TESC: variants seen among roughly 807,000 people sequenced by gnomAD.
The protein encoded by TESC is tescalcin.
TESC carries 19 observed loss-of-function variants against 31.0 expected under a neutral mutation model. That is an observed-to-expected ratio of 0.61 (90% CI 0.43 to 0.90). The LOEUF (loss-of-function observed/expected upper bound fraction) is 0.90, where lower values mean the gene tolerates loss of function less well. TESC is among the 40% of genes least tolerant of loss of function. The pLI is 0.00. For missense variants in TESC, 248 were observed against 303.8 expected, an observed-to-expected ratio of 0.82 and a Z score of 1.36; for synonymous variants, 109 against 114.8, an observed-to-expected ratio of 0.95 and a Z score of 0.32.
At chr12:117,075,930 TATATATATATGTATATATAC>T (rs1955064984) in intron 1 of TESC, among the ~76,000 whole-genome samples, 8 of 113,360 alleles carry the variant, frequency 7.1e-5, no homozygotes, top group East Asian at 2.2e-4. Flanking sequence ...TGTGTATATA[TATATATATATGTATATATAC>T]ATATATATAT....
In TESC at chr12:117,041,948, T is replaced by C; in HGVS notation, c.566A>G (p.Lys189Arg). The change falls in exon 7 of 8, where the codon AAG (lysine) becomes AGG (arginine). Residue 189 changes from lysine to arginine, a missense_variant and splice_region_variant. Physicochemically the swap from Lys to Arg is conservative, Grantham distance 26 (BLOSUM62 2). Coordinates refer to ENST00000335209, the MANE Select transcript of TESC (RefSeq NM_017899.4). ...GGCTCCCACGCCCAGGCCACCCACCTTCAGGAAGTCCTCGAAGGTGATCCC... is the reference window on the plus strand; with the variant it reads ...GGCTCCCACGCCCAGGCCACCCACCCTCAGGAAGTCCTCGAAGGTGATCCC... ...YEGITFEDFL[K>R]IWQGIDIETK... 1 of 1,588,118 alleles carries C rather than the reference T, an allele frequency of 6.3e-7. No individual in the cohort carries two copies. The highest frequency in any genetic ancestry group is 8.6e-7 in the Non-Finnish European group (1 of 1,166,712).
At chr12:117,064,532 CG>C (rs1954846298) in intron 2 of TESC, among the ~76,000 whole-genome samples, 1 of 152,190 alleles carries the variant, frequency 6.6e-6, no homozygotes, top group African/African-American at 2.4e-5. Context: ...GACAAGCATT[CG>C]AGCCCCTTCA....
At chr12:117,095,016 CAAA>C (rs758816373) in intron 1 of TESC, among the ~76,000 whole-genome samples, 10 of 124,472 alleles carry the variant, frequency 8.0e-5, no homozygotes, top group Admixed American at 8.7e-5. Context: ...AAATTCATCT[CAAA>C]AAAAAAAAAA....
chr12:117,079,128 T>C (rs769489829), intron 1 of TESC, among the ~76,000 whole-genome samples: 5 of 152,180 alleles, frequency 3.3e-5, no homozygotes, highest in Admixed American at 1.3e-4. Flanking sequence ...GCAGAAAACA[T>C]GTAGTTCTGT....
chr12:117,088,550 G>A (rs760046226), intron 1 of TESC, among the ~76,000 whole-genome samples: 22 of 151,984 alleles, frequency 1.4e-4, no homozygotes, highest in Non-Finnish European at 2.9e-4. Flanking sequence ...GCGTGGCGGC[G>A]CATGCCTGTA....
At chr12:117,080,242 T>C (rs1955127572) in intron 1 of TESC, among the ~76,000 whole-genome samples, 2 of 152,016 alleles carry the variant, frequency 1.3e-5, no homozygotes. Context: ...CTGAGGTAGG[T>C]GGATCACTTG....
intron 3 of TESC, among the ~76,000 whole-genome samples, chr12:117,054,311 A>C (rs1954690529): frequency 2.0e-5 from 3 of 148,686 alleles, no homozygotes; most frequent in East Asian, 2.0e-4. Context: ...TGGCTCACCC[A>C]CCCCCTCACA....
intron 4 of TESC, chr12:117,048,674 G>A (rs1415471029): frequency 4.1e-6 from 2 of 487,312 alleles, no homozygotes; most frequent in South Asian, 1.5e-5. Context: ...ACGCATGATC[G>A]GCATACCCAC....
At chr12:117,089,318 A>C (rs1955272038) in intron 1 of TESC, among the ~76,000 whole-genome samples, 1 of 152,206 alleles carries the variant, frequency 6.6e-6, no homozygotes, top group Admixed American at 6.5e-5. Flanking sequence ...GGCTCTTCTA[A>C]AACCCAGGGC....
chr12:117,069,663 T>C (rs1954938027), intron 2 of TESC, among the ~76,000 whole-genome samples: 1 of 152,274 alleles, frequency 6.6e-6, no homozygotes, highest in African/African-American at 2.4e-5. Flanking sequence ...AGATGACTTC[T>C]GGAAAGAGAT....
At chr12:117,075,913 A>ATATATATATATGTG (rs1265957613) in intron 1 of TESC, among the ~76,000 whole-genome samples, 2 of 51,950 alleles carry the variant, frequency 3.8e-5, no homozygotes, top group Non-Finnish European at 6.7e-5. Context: ...ATATATATAT[A>ATATATATATATGTG]TGTGTGTGTG....
At chr12:117,068,741 T>C (rs939857529) in intron 2 of TESC, among the ~76,000 whole-genome samples, 2 of 152,170 alleles carry the variant, frequency 1.3e-5, no homozygotes, top group African/African-American at 4.8e-5. Flanking sequence ...AATGGCTCGA[T>C]GAACCTAAAA....
chr12:117,067,551 A>T (rs1006314407), intron 2 of TESC, among the ~76,000 whole-genome samples: 1 of 152,186 alleles, frequency 6.6e-6, no homozygotes, highest in Non-Finnish European at 1.5e-5. Flanking sequence ...CAGTCTGGAC[A>T]ACAGAACGAG....
rs200402081 is a variant in TESC at position 117,044,629 on chromosome 12, G to A, written c.519+1930C>T. On this transcript the variant is annotated intron_variant, in intron 6 of 7. Coordinates refer to ENST00000335209, the MANE Select transcript of TESC (RefSeq NM_017899.4). ...CAAAAGATCCACAGGCCGGCGCGAC[G>A]GCTCATGCCTGGAATCCCAGCACTT... Among the ~76,000 whole-genome samples the A allele has an allele frequency of 1.4e-4, 21 of 152,324 alleles. No individual in the cohort carries two copies. In the East Asian group the frequency reaches 2.9e-3, roughly 21 times the overall value.
chr12:117,051,742 T>C (rs905497894), intron 3 of TESC, among the ~76,000 whole-genome samples: 2 of 152,072 alleles, frequency 1.3e-5, no homozygotes, highest in African/African-American at 4.8e-5. Context: ...TCTGGGAACC[T>C]TGTGACCGGC....
At position 117,056,899 on chromosome 12, in the gene TESC, A is replaced by G. The variant is rs202035316; in HGVS notation, c.129-13T>C. 742 of 1,613,694 alleles carry G rather than the reference A, an allele frequency of 4.6e-4. 4 individuals are homozygous for G. The African/African-American group carries it at 7.6e-3, about 17-fold the overall frequency. On this transcript the variant is annotated splice_polypyrimidine_tract_variant and intron_variant, in intron 2 of 7. Coordinates refer to ENST00000335209, the MANE Select transcript of TESC (RefSeq NM_017899.4). ...GAAGTTCTCCTTGCTGGTTTCCAAG[A>G]AGGAGAGATACCGGGAAGAGAATAA...
chr12:117,065,874 A>T (rs1027169196), intron 2 of TESC, among the ~76,000 whole-genome samples: 9 of 152,146 alleles, frequency 5.9e-5, no homozygotes, highest in Non-Finnish European at 1.0e-4. Context: ...AGAGCAAAAC[A>T]ACAACAAAAA....
At chr12:117,081,277 A>T (rs1457317475) in intron 1 of TESC, among the ~76,000 whole-genome samples, 1 of 152,238 alleles carries the variant, frequency 6.6e-6, no homozygotes, top group Admixed American at 6.5e-5. Context: ...GACAACTGCA[A>T]TAACTTTTGA....
intron 2 of TESC, among the ~76,000 whole-genome samples, chr12:117,071,226 C>CATTT (rs1161746690): frequency 6.6e-6 from 1 of 152,186 alleles, no homozygotes; most frequent in African/African-American, 2.4e-5. Context: ...TTCATTCATT[C>CATTT]ATTTATTCAC....
Sources: gnomAD v4.1 joint callset for allele counts (sites outside exome capture counted in the v4.1 genomes callset) on GRCh38, gnomAD v4.1.1 for gene constraint, MANE v1.5 for transcripts, NCBI Gene and HGNC (gene_info 2026-07-23, HGNC 2026-07-21) for gene names.